The following TSBP1 variants were observed in gnomAD, a reference collection of about 807,000 sequenced individuals.
TSBP1 encodes testis-expressed basic protein 1.
Under a neutral mutation model 68.8 loss-of-function variants are expected in TSBP1, and 56 were observed. The observed-to-expected ratio is 0.81, with a 90% CI of 0.66 to 1.02. The LOEUF (loss-of-function observed/expected upper bound fraction) is 1.02. Ranked by LOEUF, TSBP1 falls within the 50% of genes least tolerant of loss-of-function variation. The pLI is 0.00. For missense variants in TSBP1, 502 were observed against 641.2 expected, an observed-to-expected ratio of 0.78 and a Z score of 2.34; for synonymous variants, 171 against 208.7, an observed-to-expected ratio of 0.82 and a Z score of 1.56.
In TSBP1 at chr6:32,304,664, C is replaced by A. The variant is rs1381557748; in HGVS notation, c.581-2035G>T. On this transcript the variant is annotated intron_variant, in intron 19 of 22. Coordinates refer to ENST00000612031, the Ensembl canonical transcript of TSBP1. This position sits in a 1 kb window ranked among gnomAD's most constrained non-coding sequence, Gnocchi z 4.8. ...TAAAGGTTACTAATTTATGTTCTCT[C>A]TTCATCGTCTTTTTTGTCTTTTCAT... 6.6e-6 allele frequency among the ~76,000 whole-genome samples: 1 copy of A among 152,076 alleles called. No individual in the cohort carries two copies. The highest frequency in any genetic ancestry group is 2.4e-5 in the African/African-American group (1 of 41,430).
chr6:32,348,108 G>C (rs1771273062), intron 9 of TSBP1, among the ~76,000 whole-genome samples: 1 of 152,172 alleles, frequency 6.6e-6, no homozygotes, highest in South Asian at 2.1e-4. Context: ...TAGAATCTAT[G>C]CTGTCTGTGA....
chr6:32,323,722 T>A lies in TSBP1; in HGVS notation c.515-108A>T, dbSNP rs1767908668. 1.1e-5 allele frequency: 10 copies of A among 913,774 alleles called. 1 individual carries two copies. The highest frequency in any genetic ancestry group is 6.0e-5 in the South Asian group (4 of 66,502). The allele number at this position is 913,774 out of a possible 1,614,324, so 56.6% of individuals were successfully genotyped here. On this transcript the variant is annotated intron_variant, in intron 16 of 22. Transcript: ENST00000612031. Reference sequence around the variant, plus strand: ...GTCATTATAACAATAGGGAAAACTTTCCCTTTGGTATTCATTTATTTTTAA... The same window carrying A: ...GTCATTATAACAATAGGGAAAACTTACCCTTTGGTATTCATTTATTTTTAA...
intron 16 of TSBP1, among the ~76,000 whole-genome samples, chr6:32,327,861 G>A (rs1443412396): frequency 1.3e-5 from 2 of 151,210 alleles, no homozygotes; most frequent in Non-Finnish European, 2.9e-5. Context: ...GCGTGATCTC[G>A]GCTTACTGCA....
chr6:32,293,515 A>G, exon 23 of TSBP1: 2 of 1,611,360 alleles, frequency 1.2e-6, no homozygotes, highest in Non-Finnish European at 1.7e-6. Context: ...CACCAGACTG[A>G]CTCTTCTTTA....
intron 22 of TSBP1, among the ~76,000 whole-genome samples, chr6:32,296,466 G>C (rs1764737701): frequency 6.6e-6 from 1 of 152,066 alleles, no homozygotes; most frequent in African/African-American, 2.4e-5. Flanking sequence ...TTTTATTCTA[G>C]ACAATCAATT....
chr6:32,306,946 T>G lies in TSBP1; in HGVS notation c.581-4317A>C, dbSNP rs1334695199. ...TTTTCTTATGATTTTGAGGAAATTTTGCTTTCTCTCCACATTTCTATTTTG... is the reference window on the plus strand; with the variant it reads ...TTTTCTTATGATTTTGAGGAAATTTGGCTTTCTCTCCACATTTCTATTTTG... On this transcript the variant is annotated intron_variant, in intron 19 of 22. Coordinates refer to ENST00000612031, the Ensembl canonical transcript of TSBP1. This position sits in a 1 kb window ranked among gnomAD's most constrained non-coding sequence, Gnocchi z 5.1. Among the ~76,000 whole-genome samples, 1 of 152,206 alleles carries G rather than the reference T, an allele frequency of 6.6e-6. No homozygotes were observed. The highest frequency in any genetic ancestry group is 1.5e-5 in the Non-Finnish European group (1 of 68,032).
intron 4 of TSBP1, 90 bp from the exon 5 acceptor site, chr6:32,366,392 C>T (rs1187991740): frequency 5.1e-6 from 6 of 1,168,132 alleles, no homozygotes; most frequent in African/African-American, 1.5e-5. Flanking sequence ...TTTACCTCTT[C>T]CTCTTTTAGA....
intron 6 of TSBP1, among the ~76,000 whole-genome samples, chr6:32,358,291 T>C (rs914068223): frequency 6.6e-6 from 1 of 152,156 alleles, no homozygotes; most frequent in Admixed American, 6.5e-5. Flanking sequence ...AGAGGTTTTT[T>C]CCCAAGAAAT....
chr6:32,355,427 T>G (rs1772192020), intron 7 of TSBP1, among the ~76,000 whole-genome samples: 1 of 152,120 alleles, frequency 6.6e-6, no homozygotes, highest in Non-Finnish European at 1.5e-5. Context: ...CTCTCTCCCT[T>G]TTATCTTTAT....
intron 16 of TSBP1, chr6:32,324,569 G>A (rs1450351069): frequency 4.6e-6 from 7 of 1,518,358 alleles, no homozygotes; most frequent in African/African-American, 1.4e-5. Flanking sequence ...CAAGCCCTTT[G>A]TATCCCAATA....
rs1271129823 is a variant in TSBP1, at chr6:32,302,598, T to G, written c.601+11A>C. On this transcript the variant is annotated intron_variant, in intron 20 of 22. Coordinates refer to ENST00000612031, the Ensembl canonical transcript of TSBP1. This position sits in a 1 kb window ranked among gnomAD's most constrained non-coding sequence, Gnocchi z 5.1. ...AGAAACTAATGTAATAAAAATATAT[T>G]AGGAACTTACTAGTGTGAACTTGAG... 3 of 1,525,604 alleles carry G rather than the reference T, an allele frequency of 2.0e-6. No homozygotes were observed. The South Asian group carries it at 3.6e-5, about 18-fold the overall frequency. The allele number at this position is 1,525,604 out of a possible 1,614,324, so 94.5% of individuals were successfully genotyped here. A position where few individuals can be genotyped will look rare whatever the true frequency, so the allele number is the denominator to read the frequency against.
intron 22 of TSBP1, among the ~76,000 whole-genome samples, chr6:32,298,740 G>A (rs921577721): frequency 7.2e-5 from 11 of 152,220 alleles, no homozygotes; most frequent in African/African-American, 2.2e-4. Flanking sequence ...TGTTTGGAAT[G>A]TTTGAAATGC....
chr6:32,315,009 G>A lies in TSBP1; in HGVS notation c.580+763C>T, dbSNP rs772948309. 2.0e-5 allele frequency among the ~76,000 whole-genome samples: 3 copies of A among 152,088 alleles called. No homozygotes were observed. The highest frequency in any genetic ancestry group is 2.9e-5 in the Non-Finnish European group (2 of 68,020). ...CTGCCTGGGCTCTTTTGGCATCTGC[G>A]TTTTTAACCTTGACAGGAACTTTGG... On this transcript the variant is annotated intron_variant, in intron 19 of 22. Transcript: ENST00000612031. This position sits in a 1 kb window ranked among gnomAD's most constrained non-coding sequence, Gnocchi z 5.4.
chr6:32,303,501 T>G lies in TSBP1; in HGVS notation c.581-872A>C, dbSNP rs544609383. On this transcript the variant is annotated intron_variant, in intron 19 of 22. Coordinates refer to ENST00000612031, the Ensembl canonical transcript of TSBP1. ...ATGTAGCCACATCTGCCTTTTTTTT[T>G]GAAAAAATTAATGTTTCATGGCATA... 6.7e-3 allele frequency among the ~76,000 whole-genome samples: 1,015 copies of G among 151,344 alleles called. 17 individuals carry two copies. The highest frequency in any genetic ancestry group is 0.02 in the East Asian group (102 of 5,140).
chr6:32,345,033 T>C (rs774927510), intron 9 of TSBP1, among the ~76,000 whole-genome samples: 4 of 152,088 alleles, frequency 2.6e-5, no homozygotes, highest in Non-Finnish European at 5.9e-5. Flanking sequence ...CTTTTAATTG[T>C]TCTGTAGAGA....
chr6:32,297,990 G>A (rs1764885105), intron 22 of TSBP1, among the ~76,000 whole-genome samples: 1 of 152,072 alleles, frequency 6.6e-6, no homozygotes, highest in Non-Finnish European at 1.5e-5. Flanking sequence ...TTTTTTAAAA[G>A]ATTAAACAGA....
chr6:32,349,505 A>G (rs1771469632), intron 9 of TSBP1: 1 of 464,890 alleles, frequency 2.2e-6, no homozygotes, highest in African/African-American at 2.0e-5. Context: ...TTTTTCCAAC[A>G]CTTCAGGTTT....
intron 14 of TSBP1, among the ~76,000 whole-genome samples, chr6:32,332,595 T>C (rs530279913): frequency 6.8e-6 from 1 of 148,046 alleles, no homozygotes; most frequent in South Asian, 2.2e-4. Flanking sequence ...CAAAACCTTC[T>C]GTTTTTTTTT....
At chr6:32,331,057 T>C (rs1050677123) in intron 15 of TSBP1, among the ~76,000 whole-genome samples, 1 of 152,206 alleles carries the variant, frequency 6.6e-6, no homozygotes, top group African/African-American at 2.4e-5. Context: ...GATTAAATAT[T>C]TTTCACTGCA....
Sources: gnomAD v4.1 joint callset for allele counts (sites outside exome capture counted in the v4.1 genomes callset) on GRCh38, gnomAD v4.1.1 for gene constraint, Gnocchi (gnomAD v3.1) non-coding constraint, MANE v1.5 for transcripts, NCBI Gene and HGNC (gene_info 2026-07-23, HGNC 2026-07-21) for gene names.